The following HPD variants were observed in gnomAD, a reference collection of about 807,000 sequenced individuals.
The protein encoded by HPD is 4-hydroxyphenylpyruvic acid oxidase.
Under a neutral mutation model 56.9 loss-of-function variants are expected in HPD, and 35 were observed. That is an observed-to-expected ratio of 0.62 (90% CI 0.47 to 0.82). The LOEUF (loss-of-function observed/expected upper bound fraction) is 0.82, where lower values mean the gene tolerates loss of function less well. HPD is among the 40% of genes least tolerant of loss of function. The probability of loss-of-function intolerance (pLI) is 0.00; values close to 1 mark genes in which losing one functional copy is unlikely to be tolerated. For synonymous variants in HPD, 186 were observed against 200.2 expected (o/e 0.93, Z 0.60); for missense variants, 442 against 506.8 (o/e 0.87, Z 1.23).
chr12:121,865,109 A>G (rs1878289197), upstream of HPD, among the ~76,000 whole-genome samples: 1 of 151,972 alleles, frequency 6.6e-6, no homozygotes, highest in African/African-American at 2.4e-5. Flanking sequence ...CTCTACTAAA[A>G]ATACAAAAAT....
intron 9 of HPD, among the ~76,000 whole-genome samples, chr12:121,848,279 T>G (rs1877651302): frequency 6.6e-6 from 1 of 152,144 alleles, no homozygotes; most frequent in South Asian, 2.1e-4. Flanking sequence ...CATCTTGTGC[T>G]GTATTTTCCA....
rs201689528 is a variant in HPD, at chr12:121,843,679, C to A, written c.954+31G>T. On this transcript the variant is annotated intron_variant, in intron 12 of 13. Coordinates refer to ENST00000289004, the MANE Select transcript of HPD (RefSeq NM_002150.3). ...TGCAATGCAGAGCTCATACTCCCCC[C>A]ACAAGGCTGCGGATCCTGCCTGGGC... 5.0e-5 allele frequency: 81 copies of A among 1,613,598 alleles called. No individual in the cohort carries two copies. In the Middle Eastern group the frequency reaches 6.7e-4, roughly 13 times the overall value.
chr12:121,887,654 G>A, the HPD span, among the ~76,000 whole-genome samples: 1 of 152,176 alleles, frequency 6.6e-6, no homozygotes. Context: ...TTATAGGCAT[G>A]AGCCACCACA....
In HPD at chr12:121,849,556, G is replaced by A. The variant is rs117981914; in HGVS notation, c.518+131C>T. On this transcript the variant is annotated intron_variant, in intron 8 of 13. Coordinates refer to ENST00000289004, the MANE Select transcript of HPD (RefSeq NM_002150.3). ...GTGCCACCTCTTCAAGCACCCCTGA[G>A]GACTTCCAGGAATTCCCTAGCCGGC... The A allele has an allele frequency of 8.9e-3, 6,236 of 697,430 alleles. 78 individuals carry two copies. Among genetic ancestry groups the A allele is most frequent in the South Asian group, 0.037 (2,278 of 62,316 alleles). The allele number at this position is 697,430 out of a possible 1,614,324, so 43.2% of individuals were successfully genotyped here.
At chr12:121,847,513 C>T (rs115338918) in intron 9 of HPD, among the ~76,000 whole-genome samples, 2 of 152,008 alleles carry the variant, frequency 1.3e-5, no homozygotes, top group Non-Finnish European at 2.9e-5. Context: ...CATGTGCTAC[C>T]ACACCTGGAT....
the HPD span, among the ~76,000 whole-genome samples, chr12:121,886,610 G>A: frequency 2.0e-5 from 3 of 151,694 alleles, no homozygotes; most frequent in South Asian, 2.1e-4. Flanking sequence ...CACTTTCTTC[G>A]GACCACTTGC....
At chr12:121,868,184 A>G (rs1431559038), upstream of HPD, among the ~76,000 whole-genome samples, 1 of 152,184 alleles carries the variant, frequency 6.6e-6, no homozygotes, top group Non-Finnish European at 1.5e-5. Flanking sequence ...CCTGTTCCCA[A>G]AAAAATGAAA....
At chr12:121,846,532 T>C (rs2137615316) in intron 11 of HPD, among the ~76,000 whole-genome samples, 1 of 152,268 alleles carries the variant, frequency 6.6e-6, no homozygotes, top group African/African-American at 2.4e-5. Flanking sequence ...TTCCTGATTT[T>C]TAAGGTAAGG....
At chr12:121,855,216 C>T (rs539401350) in intron 6 of HPD, among the ~76,000 whole-genome samples, 1 of 152,186 alleles carries the variant, frequency 6.6e-6, no homozygotes, top group Admixed American at 6.6e-5. Flanking sequence ...ATTCTAACCT[C>T]GTTCATCCTC....
chr12:121,874,533 G>A, the HPD span, among the ~76,000 whole-genome samples: 38 of 151,760 alleles, frequency 2.5e-4, no homozygotes, highest in South Asian at 4.2e-4. Context: ...CAGGAGAATC[G>A]CTTGAACCTG....
At chr12:121,886,109 G>GT in the HPD span, among the ~76,000 whole-genome samples, 1,145 of 129,442 alleles carry the variant, frequency 8.8e-3, 6 homozygotes, top group African/African-American at 0.019. Context: ...ATTGCATTTA[G>GT]TTTTTTTTTT....
At position 121,839,770 on chromosome 12, in the gene HPD, G is replaced by C; in HGVS notation, c.1140C>G (p.Asn380Lys). 6.2e-7 allele frequency: 1 copy of C among 1,614,190 alleles called. No individual in the cohort carries two copies. The highest frequency in any genetic ancestry group is 1.1e-5 in the South Asian group (1 of 91,086). ...AFEEEQNLRG[N>K]LTNMETNGVV... ...CCCCATTGGTCTCCATGTTGGTGAG[G>C]TTACCCCGCAGGTTCTGCTCCTCCT... The change falls in exon 14 of 14, where the codon AAC becomes AAG. Residue 380 changes from asparagine to lysine, a missense_variant. Coordinates refer to ENST00000289004, the MANE Select transcript of HPD (RefSeq NM_002150.3).
chr12:121,886,330 G>A, the HPD span, among the ~76,000 whole-genome samples: 4 of 150,282 alleles, frequency 2.7e-5, no homozygotes, highest in African/African-American at 4.9e-5. Flanking sequence ...GGATGGTCTC[G>A]ATCTCCTAAC....
At chr12:121,858,540 CG>C in intron 2 of HPD, 146 bp downstream of exon 2, 1 of 839,660 alleles carries the variant, frequency 1.2e-6, no homozygotes. Flanking sequence ...CGGGGAGCCC[CG>C]GGGGTAAAGC....
the HPD span, among the ~76,000 whole-genome samples, chr12:121,883,892 T>A: frequency 6.6e-6 from 1 of 152,070 alleles, no homozygotes; most frequent in Non-Finnish European, 1.5e-5. Flanking sequence ...CCTTGTATCA[T>A]TTTCTTTGAA....
At chr12:121,856,701 G>T (rs1878015107) in intron 4 of HPD, 76 bp from the exon 5 acceptor site, 1 of 1,415,680 alleles carries the variant, frequency 7.1e-7, no homozygotes, top group Non-Finnish European at 9.9e-7. Context: ...GCCCCTCCCT[G>T]CCGACCCGAA....
rs1050846876 is a variant in HPD, at chr12:121,856,360, A to C, written c.288T>G (p.Ile96Met). 7 of 1,613,912 alleles carry C rather than the reference A, an allele frequency of 4.3e-6. No homozygotes were observed. The Admixed American group carries it at 5.0e-5, about 12-fold the overall frequency. The change falls in exon 6 of 14, where the codon ATT becomes ATG. Residue 96 changes from isoleucine to methionine, a missense_variant. By Grantham distance (10) the Ile-to-Met change is conservative. Coordinates refer to ENST00000289004, the MANE Select transcript of HPD (RefSeq NM_002150.3). ...LVKHGDGVKDIAFEVEDCDYI... is the reference protein window; with the variant it reads ...LVKHGDGVKDMAFEVEDCDYI... ...AGTCACAATCTTCCACCTCGAACGC[A>C]ATGTCCTTCACTCCGTCACCGTGTT... is the stretch of plus-strand genomic sequence containing the variant.
At chr12:121,882,819 G>A in the HPD span, among the ~76,000 whole-genome samples, 1 of 152,200 alleles carries the variant, frequency 6.6e-6, no homozygotes, top group South Asian at 2.1e-4. Context: ...TCAGCTCACT[G>A]CAACCTCTGC....
At chr12:121,845,788 A>G (rs755716444) in intron 11 of HPD, among the ~76,000 whole-genome samples, 152 of 152,184 alleles carry the variant, frequency 1.0e-3, no homozygotes, top group Non-Finnish European at 1.5e-3. Flanking sequence ...GCTCTCTACC[A>G]TCTAGCATTT....
Sources: allele counts gnomAD v4.1 joint callset (sites outside exome capture counted in the v4.1 genomes callset), GRCh38; gene constraint gnomAD v4.1.1; transcripts MANE v1.5; gene names NCBI Gene and HGNC (gene_info 2026-07-23, HGNC 2026-07-21).